The following MAP3K10 variants were observed in gnomAD, a reference collection of about 807,000 sequenced individuals.
MAP3K10 encodes MKN28 derived nonreceptor_type serine/threonine kinase.
MAP3K10 carries 22 observed loss-of-function variants against 75.0 expected under a neutral mutation model. That is an observed-to-expected ratio of 0.29 (90% CI 0.21 to 0.42). MAP3K10 has a LOEUF of 0.42. Among genes scored for constraint, MAP3K10 ranks in the 10% least tolerant of loss-of-function variants. The pLI is 1.00. For synonymous variants in MAP3K10, 599 were observed against 612.9 expected (o/e 0.98, Z 0.34); for missense variants, 1,165 against 1,379.8 (o/e 0.84, Z 2.47).
Position 40,213,733 on chromosome 19 carries a change from TG to T in MAP3K10, c.2057del (p.Gly686AlafsTer136). 9.3e-7 allele frequency: 1 copy of T among 1,080,416 alleles called. No individual in the cohort carries two copies. The allele number at this position is 1,080,416 out of a possible 1,614,324, so 66.9% of individuals were successfully genotyped here. ...GGCTGCGCCACGCTGCTGGGGGCTG[TG>T]GGCCTGGGCGCCGACGTGGCCGAGG... ...LLGCATLLGA[V>X]GLGADVAEAR... is the part of the protein sequence containing the mutation. On this transcript the variant is annotated frameshift_variant, in exon 9 of 10. Coordinates refer to ENST00000253055, the MANE Select transcript of MAP3K10 (RefSeq NM_002446.4). LOFTEE classifies it high-confidence loss of function. This position sits in a 1 kb window ranked among gnomAD's most constrained non-coding sequence, Gnocchi z 5.7.
rs184726132 is a variant in MAP3K10, at chr19:40,207,373, G to A, written c.1435+1216G>A. Among the ~76,000 whole-genome samples, 414 of 152,248 alleles carry A rather than the reference G, an allele frequency of 2.7e-3. 1 individual carries two copies. Among genetic ancestry groups the A allele is most frequent in the Non-Finnish European group, 4.4e-3 (300 of 68,038 alleles). On this transcript the variant is annotated intron_variant, in intron 5 of 9. Transcript: ENST00000253055. Reference sequence around the variant, plus strand: ...CCAGTGGAAATATAATACAAGCCACGTGTATAATTTTAAATTTTCTAGTAA... The same window carrying A: ...CCAGTGGAAATATAATACAAGCCACATGTATAATTTTAAATTTTCTAGTAA...
chr19:40,215,376 G>T lies in MAP3K10; in HGVS notation c.*84G>T, dbSNP rs1973335670. The stretch of plus-strand genomic sequence containing the variant: ...CAGCCCGCCATGCCACAAGGTGGGG[G>T]AGGCCCTGGGCAGGATGTTCACTCT... On this transcript the variant is annotated 3_prime_UTR_variant, in exon 10 of 10. Transcript: ENST00000253055. 4.7e-6 allele frequency: 6 copies of T among 1,263,678 alleles called. No individual in the cohort carries two copies. The Admixed American group carries it at 9.4e-5, about 20-fold the overall frequency. 78.3% of individuals were successfully genotyped at this position (1,263,678 alleles called of 1,614,324 possible).
intron 2 of MAP3K10, among the ~76,000 whole-genome samples, chr19:40,203,983 G>A (rs1973071618): frequency 6.6e-6 from 1 of 152,212 alleles, no homozygotes; most frequent in Admixed American, 6.5e-5. Flanking sequence ...CAGTGTGGCT[G>A]CAAGATGAAG....
At chr19:40,207,100 A>G (rs1312896178) in intron 5 of MAP3K10, among the ~76,000 whole-genome samples, 1 of 152,222 alleles carries the variant, frequency 6.6e-6, no homozygotes, top group Non-Finnish European at 1.5e-5. Flanking sequence ...CTCTGTCACA[A>G]AATATATAAT....
rs140903126 is a variant in MAP3K10, at chr19:40,192,806, A to G, written c.682+93A>G. 2 of 1,024,320 alleles carry G rather than the reference A, an allele frequency of 2.0e-6. No individual in the cohort carries two copies. Among genetic ancestry groups the G allele is most frequent in the East Asian group, 5.4e-5 (2 of 37,154 alleles). 63.5% of individuals were successfully genotyped at this position (1,024,320 alleles called of 1,614,324 possible). ...AACAGGGTGAGGGACACCAGATGAC[A>G]CTGTGCCTGGAGTGAGAAGGGGCAG... is the stretch of plus-strand genomic sequence containing the variant. On this transcript the variant is annotated intron_variant, in intron 1 of 9. Coordinates refer to ENST00000253055, the MANE Select transcript of MAP3K10 (RefSeq NM_002446.4). The surrounding 1 kb of genome is among the most constrained non-coding windows in gnomAD (Gnocchi z 7.1).
Position 40,213,283 on chromosome 19 carries a change from A to G in MAP3K10, c.1837+95A>G. 6.9e-7 allele frequency: 1 copy of G among 1,456,156 alleles called. No homozygotes were observed. The allele number at this position is 1,456,156 out of a possible 1,614,324, so 90.2% of individuals were successfully genotyped here. ...CGAAGAGACCAGGTTTCACTGGGCC[A>G]GTGAGTGGAAGGCCTTCCTGGGAAG... On this transcript the variant is annotated intron_variant, in intron 8 of 9. Transcript: ENST00000253055. The surrounding 1 kb of genome is among the most constrained non-coding windows in gnomAD (Gnocchi z 5.7).
intron 5 of MAP3K10, among the ~76,000 whole-genome samples, chr19:40,208,345 CT>C (rs747110243): frequency 3.5e-3 from 196 of 55,908 alleles, no homozygotes; most frequent in African/African-American, 0.011. Flanking sequence ...CTCTTTCTTT[CT>C]TTTTTTTTTT....
chr19:40,211,963 G>A (rs1973248066), intron 6 of MAP3K10, among the ~76,000 whole-genome samples: 1 of 152,176 alleles, frequency 6.6e-6, no homozygotes, highest in African/African-American at 2.4e-5. Flanking sequence ...GACCTCAAGT[G>A]ATTCTTCTGC....
intron 2 of MAP3K10, among the ~76,000 whole-genome samples, chr19:40,202,075 C>G (rs1156776129): frequency 6.6e-6 from 1 of 152,076 alleles, no homozygotes; most frequent in Non-Finnish European, 1.5e-5. Flanking sequence ...TAGTCTCACT[C>G]TGTCTTCCAG....
chr19:40,214,013 CTCCCCGCCCGCGCCCA>C lies in MAP3K10; in HGVS notation c.2335_2350del (p.Ser779HisfsTer38). 1.3e-6 allele frequency: 2 copies of C among 1,504,338 alleles called. No homozygotes were observed. The highest frequency in any genetic ancestry group is 2.6e-5 in the East Asian group (1 of 38,368). The allele number at this position is 1,504,338 out of a possible 1,614,324, so 93.2% of individuals were successfully genotyped here. A position where few individuals can be genotyped will look rare whatever the true frequency, so the allele number is the denominator to read the frequency against. ...CACCGGCCGCGCCCTCCCCACCACC[CTCCCCGCCCGCGCCCA>C]CACCCACGCCCTCGCCCAGCACCAA... is the stretch of plus-strand genomic sequence containing the variant. On this transcript the variant is annotated frameshift_variant, in exon 9 of 10. Transcript: ENST00000253055. LOFTEE classifies it high-confidence loss of function.
In MAP3K10 at chr19:40,212,293, A is replaced by C. The variant is rs1357195999; in HGVS notation, c.1553-512A>C. On this transcript the variant is annotated intron_variant, in intron 6 of 9. Coordinates refer to ENST00000253055, the MANE Select transcript of MAP3K10 (RefSeq NM_002446.4). This position sits in a 1 kb window ranked among gnomAD's most constrained non-coding sequence, Gnocchi z 4.2. ...GCTCCCAAGTTCCAACACCTCATTCACCCCAGCACTGTCCCCACCCACAGC... is the reference window on the plus strand; with the variant it reads ...GCTCCCAAGTTCCAACACCTCATTCCCCCCAGCACTGTCCCCACCCACAGC... Among the ~76,000 whole-genome samples the C allele has an allele frequency of 1.3e-5, 2 of 151,700 alleles. No homozygotes were observed. The highest frequency in any genetic ancestry group is 2.1e-4 in the South Asian group (1 of 4,796).
In MAP3K10 at chr19:40,204,334, C is replaced by A; in HGVS notation, c.864-151C>A. The A allele has an allele frequency of 1.4e-6, 1 of 740,326 alleles. No individual in the cohort carries two copies. Among genetic ancestry groups the A allele is most frequent in the Non-Finnish European group, 2.1e-6 (1 of 479,438 alleles). 45.9% of individuals were successfully genotyped at this position (740,326 alleles called of 1,614,324 possible). The stretch of plus-strand genomic sequence containing the variant: ...CCACCCCATCTATTGGAGAACAAGG[C>A]CATGGAGGTCAAAGCAAGTTCTTGT... On this transcript the variant is annotated intron_variant, in intron 2 of 9. Coordinates refer to ENST00000253055, the MANE Select transcript of MAP3K10 (RefSeq NM_002446.4). This position sits in a 1 kb window ranked among gnomAD's most constrained non-coding sequence, Gnocchi z 4.3.
chr19:40,214,013 C>CCA lies in MAP3K10; in HGVS notation c.2334_2335insCA (p.Ser779HisfsTer44). ...CACCGGCCGCGCCCTCCCCACCACC[C>CCA]TCCCCGCCCGCGCCCACACCCACGC... On this transcript the variant is annotated frameshift_variant, in exon 9 of 10. Transcript: ENST00000253055. LOFTEE classifies it high-confidence loss of function. 1.3e-6 allele frequency: 2 copies of CCA among 1,504,334 alleles called. No individual in the cohort carries two copies. The highest frequency in any genetic ancestry group is 1.8e-6 in the Non-Finnish European group (2 of 1,129,398). 93.2% of individuals were successfully genotyped at this position (1,504,334 alleles called of 1,614,324 possible). A position where few individuals can be genotyped will look rare whatever the true frequency, so the allele number is the denominator to read the frequency against.
At position 40,214,063 on chromosome 19, in the gene MAP3K10, T is replaced by C; in HGVS notation, c.2384T>C (p.Val795Ala). The C allele has an allele frequency of 7.6e-7, 1 of 1,315,300 alleles. No homozygotes were observed. Among genetic ancestry groups the C allele is most frequent in the Non-Finnish European group, 9.9e-7 (1 of 1,010,688 alleles). 81.5% of individuals were successfully genotyped at this position (1,315,300 alleles called of 1,614,324 possible). Reference sequence around the variant, plus strand: ...CCCTCGCCCAGCACCAACCCCCTGGTGGACCTGGAGCTGGAGAGCTTCAAG... The same window carrying C: ...CCCTCGCCCAGCACCAACCCCCTGGCGGACCTGGAGCTGGAGAGCTTCAAG... ...PTPSPSTNPL[V>A]DLELESFKKD... Residue 795 changes from valine (V) to alanine (A), a missense_variant, in exon 9 of 10, where the codon GTG becomes GCG. By Grantham distance (64) the Val-to-Ala change is moderately conservative. Coordinates refer to ENST00000253055, the MANE Select transcript of MAP3K10 (RefSeq NM_002446.4).
chr19:40,206,264 A>G, intron 5 of MAP3K10, 107 bp downstream of exon 5: 5 of 1,342,754 alleles, frequency 3.7e-6, no homozygotes, highest in Non-Finnish European at 5.0e-6. Context: ...ATTGCTAAAT[A>G]TATCGCACAT....
chr19:40,212,702 G>C lies in MAP3K10; in HGVS notation c.1553-103G>C. 1 of 1,437,910 alleles carries C rather than the reference G, an allele frequency of 7.0e-7. No homozygotes were observed. The highest frequency in any genetic ancestry group is 9.4e-7 in the Non-Finnish European group (1 of 1,064,722). 89.1% of individuals were successfully genotyped at this position (1,437,910 alleles called of 1,614,324 possible). On this transcript the variant is annotated intron_variant, in intron 6 of 9. Coordinates refer to ENST00000253055, the MANE Select transcript of MAP3K10 (RefSeq NM_002446.4). The surrounding 1 kb of genome is among the most constrained non-coding windows in gnomAD (Gnocchi z 4.2). ...TGACTGGAGTTCAAAAGAGCCCTTG[G>C]ACTCCCAGGCGGAGGGTGGGCCTGA...
chr19:40,214,002 T>TCCCCACCCCCCCCCCCCCCCCCCCC lies in MAP3K10; in HGVS notation c.2330_2331insCCCCCCCCCCCCCCCCCCCCCCACC (p.Ser779ProfsTer81). 2.0e-6 allele frequency: 3 copies of TCCCCACCCCCCCCCCCCCCCCCCCC among 1,493,668 alleles called. No homozygotes were observed. The highest frequency in any genetic ancestry group is 2.7e-6 in the Non-Finnish European group (3 of 1,123,854). The allele number at this position is 1,493,668 out of a possible 1,614,324, so 92.5% of individuals were successfully genotyped here. A position where few individuals can be genotyped will look rare whatever the true frequency, so the allele number is the denominator to read the frequency against. ...TGACGAGGCCGCACCGGCCGCGCCCTCCCCACCACCCTCCCCGCCCGCGCC... is the reference window on the plus strand; with the variant it reads ...TGACGAGGCCGCACCGGCCGCGCCCTCCCCACCCCCCCCCCCCCCCCCCCCCCCCACCACCCTCCCCGCCCGCGCC... On this transcript the variant is annotated frameshift_variant, in exon 9 of 10. Transcript: ENST00000253055. LOFTEE classifies it high-confidence loss of function.
At chr19:40,209,021 C>G in intron 5 of MAP3K10, 82 bp from the exon 6 acceptor site, 1 of 996,714 alleles carries the variant, frequency 1.0e-6, no homozygotes, top group Non-Finnish European at 1.6e-6. Flanking sequence ...TCTAGAATTC[C>G]TTCTCTACTT....
At position 40,215,004 on chromosome 19, in the gene MAP3K10, C is replaced by T. The variant is rs151230670; in HGVS notation, c.2577C>T (p.Pro859=). 948 of 1,593,066 alleles carry T rather than the reference C, an allele frequency of 6.0e-4. No individual in the cohort carries two copies. The highest frequency in any genetic ancestry group is 7.7e-4 in the Non-Finnish European group (899 of 1,167,456). The change falls in exon 10 of 10, where the codon CCC becomes CCT. Residue 859 remains proline, a synonymous_variant. Transcript: ENST00000253055. ...PRDLLDFPRL[P]DPQALFPARR... ...ACCTTCTGGACTTCCCCCGCCTGCC[C>T]GACCCCCAGGCCCTGTTCCCAGCCC...
Sources: gnomAD v4.1 joint callset for allele counts (sites outside exome capture counted in the v4.1 genomes callset) on GRCh38, gnomAD v4.1.1 for gene constraint, Gnocchi (gnomAD v3.1) non-coding constraint, MANE v1.5 for transcripts, NCBI Gene and HGNC (gene_info 2026-07-23, HGNC 2026-07-21) for gene names.